SEZ6L: variants seen among roughly 807,000 people sequenced by gnomAD.
The protein encoded by SEZ6L is seizure 6-like protein.
SEZ6L carries 37 observed loss-of-function variants against 106.2 expected under a neutral mutation model. That is an observed-to-expected ratio of 0.35 (90% CI 0.27 to 0.46). The LOEUF (loss-of-function observed/expected upper bound fraction) is 0.46, where lower values mean the gene tolerates loss of function less well. SEZ6L is among the 20% of genes least tolerant of loss of function. The pLI, the probability that SEZ6L is intolerant of heterozygous loss-of-function variation, is 1.00. For missense variants in SEZ6L, 1,172 were observed against 1,332.8 expected (o/e 0.88, Z 1.88); for synonymous variants, 541 against 570.4 (o/e 0.95, Z 0.73).
intron 1 of SEZ6L, among the ~76,000 whole-genome samples, chr22:26,183,506 C>G (rs893931366): frequency 3.3e-5 from 5 of 152,088 alleles, no homozygotes; most frequent in East Asian, 1.9e-4. Flanking sequence ...ACAAAGCAAG[C>G]TCGTTTGATC....
At chr22:26,317,321 C>T (rs1420907160) in intron 9 of SEZ6L, among the ~76,000 whole-genome samples, 1 of 151,982 alleles carries the variant, frequency 6.6e-6, no homozygotes, top group East Asian at 1.9e-4. Flanking sequence ...TGTCTTCAGC[C>T]AAGAGAAGGT....
chr22:26,301,102 A>G (rs929898749), intron 5 of SEZ6L, among the ~76,000 whole-genome samples: 1 of 152,242 alleles, frequency 6.6e-6, no homozygotes. Flanking sequence ...ATAGGATGGG[A>G]GCCATTATCC....
At chr22:26,198,290 A>T (rs1940707194) in intron 1 of SEZ6L, among the ~76,000 whole-genome samples, 1 of 152,252 alleles carries the variant, frequency 6.6e-6, no homozygotes, top group Non-Finnish European at 1.5e-5. Context: ...GGCTCTGGCC[A>T]ATATCTAATG....
At chr22:26,195,116 G>C (rs190960376) in intron 1 of SEZ6L, among the ~76,000 whole-genome samples, 2 of 152,312 alleles carry the variant, frequency 1.3e-5, no homozygotes, top group African/African-American at 4.8e-5. Context: ...GCTCTGCTCT[G>C]GTTGTTCAGA....
chr22:26,290,347 T>G (rs181106231), intron 1 of SEZ6L, among the ~76,000 whole-genome samples: 1 of 152,162 alleles, frequency 6.6e-6, no homozygotes, highest in East Asian at 1.9e-4. Context: ...CTGGCTAACA[T>G]GGTGAAACCC....
At chr22:26,246,623 C>T (rs1020678622) in intron 1 of SEZ6L, among the ~76,000 whole-genome samples, 3 of 152,152 alleles carry the variant, frequency 2.0e-5, no homozygotes, top group East Asian at 1.9e-4. Flanking sequence ...CAAACCCACT[C>T]GTGCTCCTCC....
chr22:26,329,560 G>A (rs1392305655), intron 9 of SEZ6L, among the ~76,000 whole-genome samples: 1 of 152,226 alleles, frequency 6.6e-6, no homozygotes, highest in Non-Finnish European at 1.5e-5. Context: ...GTCCTCCCTG[G>A]AGCTGACATG....
At chr22:26,275,337 T>G (rs1219876348) in intron 1 of SEZ6L, among the ~76,000 whole-genome samples, 1 of 152,196 alleles carries the variant, frequency 6.6e-6, no homozygotes, top group African/African-American at 2.4e-5. Flanking sequence ...TAGGCCTATG[T>G]AAGTGTTCTG....
intron 1 of SEZ6L, among the ~76,000 whole-genome samples, chr22:26,241,741 A>C (rs1242051326): frequency 1.3e-5 from 2 of 150,432 alleles, no homozygotes; most frequent in Non-Finnish European, 2.9e-5. Context: ...AATTCCCTTA[A>C]ATATAGCTTT....
In SEZ6L at chr22:26,313,251, A is replaced by G. The variant is rs542921935; in HGVS notation, c.1877-513A>G. Among the ~76,000 whole-genome samples, 6 of 152,328 alleles carry G rather than the reference A, an allele frequency of 3.9e-5. No individual in the cohort carries two copies. The South Asian group carries it at 8.3e-4, about 21-fold the overall frequency. On this transcript the variant is annotated intron_variant, in intron 8 of 16. Transcript: ENST00000248933. Reference sequence around the variant, plus strand: ...CAGCATGTTTGACATTCATGAGCTTAAGCCTCAAAATAACCCAATGAGGTT... The same window carrying G: ...CAGCATGTTTGACATTCATGAGCTTGAGCCTCAAAATAACCCAATGAGGTT...
intron 9 of SEZ6L, among the ~76,000 whole-genome samples, chr22:26,317,274 T>C (rs1326303367): frequency 6.6e-6 from 1 of 152,118 alleles, no homozygotes; most frequent in Non-Finnish European, 1.5e-5. Flanking sequence ...TTCCAGCTTA[T>C]GAATTCCTTC....
chr22:26,280,844 G>A (rs904108230), intron 1 of SEZ6L, among the ~76,000 whole-genome samples: 1 of 152,182 alleles, frequency 6.6e-6, no homozygotes, highest in African/African-American at 2.4e-5. Context: ...AGGCATCGTG[G>A]AATGGCTAAG....
rs1482274174 is a variant in SEZ6L at position 26,234,390 on chromosome 22, G to T, written c.95-58016G>T. Among the ~76,000 whole-genome samples, 4 of 152,384 alleles carry T rather than the reference G, an allele frequency of 2.6e-5. No individual in the cohort carries two copies. In the East Asian group the frequency reaches 7.7e-4, roughly 29 times the overall value. On this transcript the variant is annotated intron_variant, in intron 1 of 16. Transcript: ENST00000248933. Reference sequence around the variant, plus strand: ...AGCCAAAGAAATGTTCCATCTGAAAGCCAGTGCATTCCCTCCCTAGCAGCT... The same window carrying T: ...AGCCAAAGAAATGTTCCATCTGAAATCCAGTGCATTCCCTCCCTAGCAGCT...
chr22:26,361,343 C>CAAAAAAAAA lies in SEZ6L; in HGVS notation c.2600-4024_2600-4023insAAAAAAAAA, dbSNP rs150251826. On this transcript the variant is annotated intron_variant, in intron 12 of 16. Coordinates refer to ENST00000248933, the MANE Select transcript of SEZ6L (RefSeq NM_021115.5). ...TGGAACCCCGTCTCTACTAAAAATA[C>CAAAAAAAAA]AAAAACAAAAAAAATCAGCTAGGCT... Among the ~76,000 whole-genome samples the CAAAAAAAAA allele has an allele frequency of 8.6e-4, 115 of 133,378 alleles. 7 individuals are homozygous for CAAAAAAAAA. The highest frequency in any genetic ancestry group is 2.9e-3 in the African/African-American group (107 of 36,784). 87.5% of individuals were successfully genotyped at this position (133,378 alleles called of 152,430 possible).
intron 1 of SEZ6L, among the ~76,000 whole-genome samples, chr22:26,263,253 G>A (rs1281388087): frequency 1.3e-5 from 2 of 152,188 alleles, no homozygotes; most frequent in Non-Finnish European, 2.9e-5. Context: ...TGTGTAACCT[G>A]GAGGCAAGTA....
At chr22:26,365,737 G>A (rs1353111992) in intron 13 of SEZ6L, among the ~76,000 whole-genome samples, 171 bp downstream of exon 13, 1 of 151,968 alleles carries the variant, frequency 6.6e-6, no homozygotes, top group Non-Finnish European at 1.5e-5. Context: ...AGTCAGGCAT[G>A]GCGGCACACA....
At chr22:26,184,581 C>T (rs940686393) in intron 1 of SEZ6L, among the ~76,000 whole-genome samples, 5 of 152,112 alleles carry the variant, frequency 3.3e-5, no homozygotes, top group African/African-American at 1.2e-4. Context: ...ACTAATAGTG[C>T]CAGCCCTCAA....
At chr22:26,210,929 T>G (rs1271950960) in intron 1 of SEZ6L, among the ~76,000 whole-genome samples, 1 of 152,244 alleles carries the variant, frequency 6.6e-6, no homozygotes, top group Non-Finnish European at 1.5e-5. Context: ...CTCACCCTCC[T>G]GCACTCCAAC....
chr22:26,374,321 C>G (rs142555483), intron 14 of SEZ6L, among the ~76,000 whole-genome samples: 1 of 149,314 alleles, frequency 6.7e-6, no homozygotes, highest in Non-Finnish European at 1.5e-5. Context: ...CTGGAGCCAT[C>G]TTTAGCTTTC....
Sources: gnomAD v4.1 joint callset for allele counts (sites outside exome capture counted in the v4.1 genomes callset) on GRCh38, gnomAD v4.1.1 for gene constraint, MANE v1.5 for transcripts, NCBI Gene and HGNC (gene_info 2026-07-23, HGNC 2026-07-21) for gene names.